The following NMUR1 variants were observed in gnomAD, a reference collection of about 807,000 sequenced individuals.
NMUR1 encodes the protein neuromedin U receptor 1.
Under a neutral mutation model 18.8 loss-of-function variants are expected in NMUR1, and 16 were observed. That is an observed-to-expected ratio of 0.85 (90% confidence interval 0.58 to 1.29). The LOEUF (loss-of-function observed/expected upper bound fraction) is 1.29, where lower values mean the gene tolerates loss of function less well. Ranked by LOEUF, NMUR1 falls within the 50% of genes most tolerant of loss-of-function variation. The pLI, the probability that NMUR1 is intolerant of heterozygous loss-of-function variation, is 0.00. For missense variants in NMUR1, 529 were observed against 580.3 expected, an observed-to-expected ratio of 0.91 and a Z score of 0.91; for synonymous variants, 258 against 258.2, an observed-to-expected ratio of 1.00 and a Z score of 0.01.
At chr2:231,521,973 C>CTTTTTTTTTCTCT (rs2047308477), downstream of NMUR1, among the ~76,000 whole-genome samples, 5 of 83,828 alleles carry the variant, frequency 6.0e-5, no homozygotes, top group African/African-American at 9.6e-5. Context: ...TTTTTTTTCT[C>CTTTTTTTTTCTCT]TTTTTTTTTT....
chr2:231,528,808 G>A lies in NMUR1; in HGVS notation c.213C>T (p.Phe71=), dbSNP rs1260752804. 3.1e-6 allele frequency: 5 copies of A among 1,614,238 alleles called. No homozygotes were observed. The highest frequency in any genetic ancestry group is 3.4e-6 in the Non-Finnish European group (4 of 1,180,038). The change falls in exon 2 of 3, where the codon TTC becomes TTT. Residue 71 remains phenylalanine, a synonymous_variant. Transcript: ENST00000305141. ...GCCCATTGCCCACAGCGCCCACCAC[G>A]AAGATCAGCAGGTATGTGGCACAGA... ...MPICATYLLI[F]VVGAVGNGLT... is the part of the protein sequence containing the mutation.
chr2:231,519,290 C>T (rs181632969), downstream of NMUR1, among the ~76,000 whole-genome samples: 139 of 152,352 alleles, frequency 9.1e-4, 1 homozygote, highest in African/African-American at 3.1e-3. Flanking sequence ...CCAGGGCGCA[C>T]TTACCCAAGT....
At chr2:231,527,637 CAAAAAA>C (rs10522812) in intron 2 of NMUR1, among the ~76,000 whole-genome samples, 2 of 99,984 alleles carry the variant, frequency 2.0e-5, no homozygotes, top group African/African-American at 4.6e-5. Context: ...GACCCTGTCT[CAAAAAA>C]AAAAAAAAAA....
Position 231,528,751 on chromosome 2 carries a change from G to A in NMUR1, c.270C>T (p.Ala90=), listed in dbSNP as rs748167030. 23 of 1,614,108 alleles carry A rather than the reference G, an allele frequency of 1.4e-5. No individual in the cohort carries two copies. Among genetic ancestry groups the A allele is most frequent in the Non-Finnish European group, 1.9e-5 (23 of 1,180,046 alleles). The change falls in exon 2 of 3, where the codon GCC becomes GCT. Residue 90 remains alanine, a synonymous_variant. Transcript: ENST00000305141. ...LTCLVILRHK[A]MRTPTNYYLF... is the part of the protein sequence containing the mutation. Reference sequence around the variant, plus strand: ...GGTAGTAGTTGGTAGGCGTGCGCATGGCCTTGTGGCGCAGGATGACCAGAC... The same window carrying A: ...GGTAGTAGTTGGTAGGCGTGCGCATAGCCTTGTGGCGCAGGATGACCAGAC...
rs78249343 is a variant in NMUR1 at position 231,524,168 on chromosome 2, G to C, written c.*875C>G. On this transcript the variant is annotated 3_prime_UTR_variant, in exon 3 of 3. Coordinates refer to ENST00000305141, the MANE Select transcript of NMUR1 (RefSeq NM_006056.5). Reference sequence around the variant, plus strand: ...ATAAGCAGTGGCTTACACACACACAGAAAGAAAACCATAGCTAAAGTGCCA... The same window carrying C: ...ATAAGCAGTGGCTTACACACACACACAAAGAAAACCATAGCTAAAGTGCCA... The C allele has an allele frequency of 0.067, 10,142 of 152,300 alleles. 386 individuals carry two copies. Among genetic ancestry groups the C allele is most frequent in the Middle Eastern group, 0.075 (22 of 294 alleles). 9.4% of individuals were successfully genotyped at this position (152,300 alleles called of 1,614,324 possible). A position where few individuals can be genotyped will look rare whatever the true frequency, so the allele number is the denominator to read the frequency against.
chr2:231,529,576 T>A (rs2047395841), intron 1 of NMUR1, among the ~76,000 whole-genome samples: 2 of 152,128 alleles, frequency 1.3e-5, no homozygotes, highest in African/African-American at 4.8e-5. Context: ...AAATGACAGA[T>A]CTTGGGTGTC....
chr2:231,518,597 G>C (rs934749291), downstream of NMUR1, among the ~76,000 whole-genome samples: 2 of 150,380 alleles, frequency 1.3e-5, no homozygotes, highest in African/African-American at 4.8e-5. Context: ...TTTGGGTGTT[G>C]GGAATGGAAG....
chr2:231,528,262 G>A lies in NMUR1; in HGVS notation c.759C>T (p.Leu253=). ...TCTCCCGCCGCAGTCGCAGCCCAAT[G>A]AGCAGGTAGAGCACGCTCATGATGG... ...PMAIMSVLYL[L]IGLRLRRERL... is the part of the protein sequence containing the mutation. The change falls in exon 2 of 3, where the codon CTC becomes CTT. Residue 253 remains leucine, a synonymous_variant. Coordinates refer to ENST00000305141, the MANE Select transcript of NMUR1 (RefSeq NM_006056.5). 1 of 1,614,024 alleles carries A rather than the reference G, an allele frequency of 6.2e-7. No individual in the cohort carries two copies. The highest frequency in any genetic ancestry group is 8.5e-7 in the Non-Finnish European group (1 of 1,179,966).
downstream of NMUR1, among the ~76,000 whole-genome samples, chr2:231,519,044 A>G (rs1012760308): frequency 3.9e-5 from 6 of 152,168 alleles, no homozygotes; most frequent in South Asian, 4.1e-4. Context: ...AAGCACTTAT[A>G]TGCCAGTATG....
Position 231,525,066 on chromosome 2 carries a change from G to GC in NMUR1, c.1257dup (p.Gln420AlafsTer69). On this transcript the variant is annotated frameshift_variant, in exon 3 of 3. Transcript: ENST00000305141. LOFTEE classifies it high-confidence loss of function. ...ACTCAGGATGGATCGGTCTCTTGCT[G>GC]CGCCTCTGGGCCATCGTTCCCAGCC... is the stretch of plus-strand genomic sequence containing the variant. 1 of 1,588,866 alleles carries GC rather than the reference G, an allele frequency of 6.3e-7. No individual in the cohort carries two copies. Among genetic ancestry groups the GC allele is most frequent in the East Asian group, 2.2e-5 (1 of 44,700 alleles).
chr2:231,528,761 C>G lies in NMUR1; in HGVS notation c.260G>C (p.Arg87Pro). 1 of 1,614,198 alleles carries G rather than the reference C, an allele frequency of 6.2e-7. No homozygotes were observed. Among genetic ancestry groups the G allele is most frequent in the Admixed American group, 1.7e-5 (1 of 60,036 alleles). Reference sequence around the variant, plus strand: ...GGTAGGCGTGCGCATGGCCTTGTGGCGCAGGATGACCAGACAGGTCAGCCC... The same window carrying G: ...GGTAGGCGTGCGCATGGCCTTGTGGGGCAGGATGACCAGACAGGTCAGCCC... ...GNGLTCLVILRHKAMRTPTNY... is the reference protein window; with the variant it reads ...GNGLTCLVILPHKAMRTPTNY... Residue 87 changes from arginine to proline, a missense_variant, in exon 2 of 3, where the codon CGC becomes CCC. Coordinates refer to ENST00000305141, the MANE Select transcript of NMUR1 (RefSeq NM_006056.5).
chr2:231,528,230 A>G lies in NMUR1; in HGVS notation c.791T>C (p.Leu264Pro), dbSNP rs747781095. ...CCTGCCCTTGGCCTCCTGCATGAGCAGCAGCCTCTCCCGCCGCAGTCGCAG... is the reference window on the plus strand; with the variant it reads ...CCTGCCCTTGGCCTCCTGCATGAGCGGCAGCCTCTCCCGCCGCAGTCGCAG... ...IGLRLRRERL[L>P]LMQEAKGRGS... Residue 264 changes from leucine to proline, a missense_variant, in exon 2 of 3, where the codon CTG (leucine) becomes CCG (proline). Physicochemically the swap from Leu to Pro is moderately conservative, Grantham distance 98. Transcript: ENST00000305141. The G allele has an allele frequency of 1.9e-6, 3 of 1,612,866 alleles. No individual in the cohort carries two copies. The Admixed American group carries it at 5.0e-5, about 27-fold the overall frequency.
chr2:231,526,355 C>T (rs2047356203), intron 2 of NMUR1, among the ~76,000 whole-genome samples: 1 of 152,172 alleles, frequency 6.6e-6, no homozygotes, highest in South Asian at 2.1e-4. Context: ...CTCCCTGGCC[C>T]CTGGCCTGGT....
Position 231,528,155 on chromosome 2 carries a change from T to C in NMUR1, c.866A>G (p.Asp289Gly), listed in dbSNP as rs1463265977. The C allele has an allele frequency of 6.4e-7, 1 of 1,564,658 alleles. No individual in the cohort carries two copies. The change falls in exon 2 of 3, where the codon GAT (aspartate) becomes GGT (glycine). Residue 289 changes from aspartate to glycine, a missense_variant. By Grantham distance (94) the Asp-to-Gly change is moderately conservative. Transcript: ENST00000305141. ...CTTGGTCACTTGTCTCCGGCCCCGA[T>C]CGTGCTGCTGGAGCCTGCAGGTGTA... is the stretch of plus-strand genomic sequence containing the variant. ...SRYTCRLQQHDRGRRQVTKML... is the reference protein window; with the variant it reads ...SRYTCRLQQHGRGRRQVTKML...
intron 1 of NMUR1, 34 bp downstream of exon 1, chr2:231,530,325 G>A: frequency 6.7e-7 from 1 of 1,498,986 alleles, no homozygotes; most frequent in African/African-American, 1.5e-5. Flanking sequence ...CCCAGCTGCC[G>A]CGCCCTAGCC....
chr2:231,519,000 G>A (rs1443935529), downstream of NMUR1, among the ~76,000 whole-genome samples: 1 of 152,140 alleles, frequency 6.6e-6, no homozygotes, highest in Non-Finnish European at 1.5e-5. Context: ...GCTGGGGCAG[G>A]TGCCTCTCTT....
At chr2:231,519,286 C>T (rs895313437), downstream of NMUR1, among the ~76,000 whole-genome samples, 1 of 152,200 alleles carries the variant, frequency 6.6e-6, no homozygotes, top group African/African-American at 2.4e-5. Flanking sequence ...TTGACCAGGG[C>T]GCACTTACCC....
chr2:231,525,959 C>T (rs1008510857), intron 2 of NMUR1, among the ~76,000 whole-genome samples: 2 of 104,706 alleles, frequency 1.9e-5, no homozygotes, highest in Non-Finnish European at 4.3e-5. Context: ...CACACACAGA[C>T]ACACACATGC....
At chr2:231,521,808 AG>A (rs1354515239), downstream of NMUR1, among the ~76,000 whole-genome samples, 1 of 152,064 alleles carries the variant, frequency 6.6e-6, no homozygotes, top group Non-Finnish European at 1.5e-5. Flanking sequence ...TGTTTTTGCC[AG>A]GTCTTGCTTC....
Sources: allele counts gnomAD v4.1 joint callset (sites outside exome capture counted in the v4.1 genomes callset), GRCh38; gene constraint gnomAD v4.1.1; transcripts MANE v1.5; gene names NCBI Gene and HGNC (gene_info 2026-07-23, HGNC 2026-07-21).